Variants in NRCAM observed in about 807,000 individuals in gnomAD.
The protein encoded by NRCAM is neuronal cell adhesion molecule.
Under a neutral mutation model 156.5 loss-of-function variants are expected in NRCAM, and 83 were observed. The observed-to-expected ratio is 0.53, with a 90% CI of 0.44 to 0.64. The LOEUF is 0.64. Ranked by LOEUF, NRCAM falls within the 30% of genes least tolerant of loss-of-function variation. The pLI is 0.00. For missense variants in NRCAM, 1,417 were observed against 1,597.3 expected (o/e 0.89, Z 1.92); for synonymous variants, 538 against 563.9 (o/e 0.95, Z 0.65).
chr7:108,179,896 T>C (rs960560787), intron 25 of NRCAM, among the ~76,000 whole-genome samples: 9 of 152,228 alleles, frequency 5.9e-5, no homozygotes, highest in African/African-American at 2.2e-4. Context: ...TTCAGAGAAG[T>C]TATGGAACCT....
intron 1 of NRCAM, among the ~76,000 whole-genome samples, chr7:108,413,993 A>G (rs919754343): frequency 2.6e-5 from 4 of 152,204 alleles, no homozygotes; most frequent in African/African-American, 9.7e-5. Flanking sequence ...CATCCTGTGT[A>G]GCTGCTATTA....
chr7:108,337,343 T>G (rs1293153808), intron 2 of NRCAM, among the ~76,000 whole-genome samples: 1 of 151,828 alleles, frequency 6.6e-6, no homozygotes, highest in Admixed American at 6.6e-5. Flanking sequence ...CTCTATTAAA[T>G]CTTGCAACTG....
At chr7:108,155,135 CACACACACATAT>C in intron 32 of NRCAM, among the ~76,000 whole-genome samples, 1 of 140,162 alleles carries the variant, frequency 7.1e-6, no homozygotes, top group Non-Finnish European at 1.5e-5. Flanking sequence ...CACACACACA[CACACACACATAT>C]AGCAGACCTT....
chr7:108,337,384 T>G (rs1351680426), intron 2 of NRCAM, among the ~76,000 whole-genome samples: 1 of 152,156 alleles, frequency 6.6e-6, no homozygotes, highest in Non-Finnish European at 1.5e-5. Flanking sequence ...TTGTTACGGC[T>G]CGAGCTGAGC....
intron 11 of NRCAM, among the ~76,000 whole-genome samples, chr7:108,216,920 T>C (rs2089357336): frequency 6.6e-6 from 1 of 152,188 alleles, no homozygotes; most frequent in African/African-American, 2.4e-5. Context: ...TTCTGTCAAT[T>C]CGTCAAACTC....
At chr7:108,408,371 C>G (rs926102926) in intron 1 of NRCAM, among the ~76,000 whole-genome samples, 2 of 152,158 alleles carry the variant, frequency 1.3e-5, no homozygotes, top group Non-Finnish European at 2.9e-5. Context: ...AAAAATGAAC[C>G]TGTTGTGGCC....
At chr7:108,380,987 T>C (rs1333539282) in intron 2 of NRCAM, among the ~76,000 whole-genome samples, 1 of 152,138 alleles carries the variant, frequency 6.6e-6, no homozygotes, top group Non-Finnish European at 1.5e-5. Flanking sequence ...GAAGGAATGC[T>C]TGAGCTCAGG....
intron 8 of NRCAM, among the ~76,000 whole-genome samples, chr7:108,228,139 T>C (rs1317436693): frequency 6.6e-6 from 1 of 152,100 alleles, no homozygotes; most frequent in Non-Finnish European, 1.5e-5. Flanking sequence ...CTGGCCAACA[T>C]GGCAAAACCC....
chr7:108,277,234 T>A (rs1057445738), intron 3 of NRCAM, among the ~76,000 whole-genome samples: 3 of 151,970 alleles, frequency 2.0e-5, no homozygotes, highest in Non-Finnish European at 2.9e-5. Flanking sequence ...CTTCTCGAGG[T>A]GTATCTTTGT....
chr7:108,437,101 T>G (rs996042648), intron 1 of NRCAM, among the ~76,000 whole-genome samples: 1 of 152,202 alleles, frequency 6.6e-6, no homozygotes, highest in Non-Finnish European at 1.5e-5. Context: ...AAGGATGAGA[T>G]CCTGTCATTT....
intron 3 of NRCAM, among the ~76,000 whole-genome samples, chr7:108,249,598 T>C (rs1430141275): frequency 6.6e-6 from 1 of 152,208 alleles, no homozygotes; most frequent in African/African-American, 2.4e-5. Context: ...CCCAAGCATT[T>C]AGAATATAAA....
At position 108,184,522 on chromosome 7, in the gene NRCAM, T is replaced by G. The variant is rs763488616; in HGVS notation, c.2128A>C (p.Lys710Gln). ...GAGTAGTTCACGTAAGGAGACAGCTTCAGCTGGGCTGTGGTCTGTGTTCCA... is the reference window on the plus strand; with the variant it reads ...GAGTAGTTCACGTAAGGAGACAGCTGCAGCTGGGCTGTGGTCTGTGTTCCA... ...VSGTQTTAQL[K>Q]LSPYVNYSFR... is the part of the protein sequence containing the mutation. The change falls in exon 21 of 33, where the codon AAG becomes CAG. Residue 710 changes from lysine (K) to glutamine (Q), a missense_variant. Coordinates refer to ENST00000379028, the MANE Select transcript of NRCAM (RefSeq NM_001037132.4). 12 of 1,614,040 alleles carry G rather than the reference T, an allele frequency of 7.4e-6. No homozygotes were observed. The East Asian group carries it at 2.7e-4, about 36-fold the overall frequency.
intron 5 of NRCAM, among the ~76,000 whole-genome samples, chr7:108,235,915 C>A (rs576792378): frequency 6.6e-6 from 1 of 152,140 alleles, no homozygotes; most frequent in South Asian, 2.1e-4. Flanking sequence ...AGTGGCCATA[C>A]CACAGCACCT....
chr7:108,200,034 C>T (rs950177679), intron 13 of NRCAM, among the ~76,000 whole-genome samples: 1 of 152,138 alleles, frequency 6.6e-6, no homozygotes, highest in Non-Finnish European at 1.5e-5. Flanking sequence ...GACTGATTAA[C>T]GTCTTCATTC....
At chr7:108,389,116 G>T (rs1490186117) in intron 2 of NRCAM, among the ~76,000 whole-genome samples, 1 of 152,146 alleles carries the variant, frequency 6.6e-6, no homozygotes, top group Non-Finnish European at 1.5e-5. Flanking sequence ...GTAGCTTGAT[G>T]GGGATGGCAT....
chr7:108,310,034 A>G (rs2098780019), intron 3 of NRCAM, among the ~76,000 whole-genome samples: 1 of 152,228 alleles, frequency 6.6e-6, no homozygotes, highest in African/African-American at 2.4e-5. Context: ...TAAGATGTAC[A>G]TATAACTTTA....
At chr7:108,336,399 G>C (rs1423280204) in intron 2 of NRCAM, among the ~76,000 whole-genome samples, 1 of 152,190 alleles carries the variant, frequency 6.6e-6, no homozygotes, top group Non-Finnish European at 1.5e-5. Flanking sequence ...ATGAAAACCA[G>C]AGCGATTAGC....
At chr7:108,206,094 C>G (rs1056091023) in intron 13 of NRCAM, among the ~76,000 whole-genome samples, 1 of 152,202 alleles carries the variant, frequency 6.6e-6, no homozygotes, top group East Asian at 1.9e-4. Context: ...AATACACTTC[C>G]TTCTACAGTG....
intron 2 of NRCAM, among the ~76,000 whole-genome samples, chr7:108,327,742 C>A (rs1392444318): frequency 2.0e-5 from 3 of 152,094 alleles, no homozygotes; most frequent in Admixed American, 2.0e-4. Context: ...ATCCTCTTGA[C>A]CACTGAACTC....
Sources: allele counts gnomAD v4.1 joint callset (sites outside exome capture counted in the v4.1 genomes callset), GRCh38; gene constraint gnomAD v4.1.1; transcripts MANE v1.5; gene names NCBI Gene and HGNC (gene_info 2026-07-23, HGNC 2026-07-21).